RBFOX1: variants seen among roughly 807,000 people sequenced by gnomAD.
RBFOX1 encodes the protein RNA binding protein fox-1 homolog 1.
RBFOX1 carries 8 observed loss-of-function variants against 57.7 expected under a neutral mutation model. That is an observed-to-expected ratio of 0.14 (90% CI 0.08 to 0.25). The LOEUF (loss-of-function observed/expected upper bound fraction) is 0.25, where lower values mean the gene tolerates loss of function less well. Ranked by LOEUF, RBFOX1 falls within the 10% of genes least tolerant of loss-of-function variation. RBFOX1 has a pLI of 1.00. For missense variants in RBFOX1, 611 were observed against 548.5 expected (o/e 1.11, Z -1.14); for synonymous variants, 326 against 222.4 (o/e 1.47, Z -4.15).
chr16:6,082,855 A>C (rs1194971603), intron 1 of RBFOX1, among the ~76,000 whole-genome samples: 2 of 152,120 alleles, frequency 1.3e-5, no homozygotes, highest in Non-Finnish European at 2.9e-5. Context: ...CCAATAGCCC[A>C]GATCCCACGG....
At position 6,657,600 on chromosome 16, in the gene RBFOX1, C is replaced by G. The variant is rs538382265; in HGVS notation, c.-16+2950C>G. 3.9e-5 allele frequency among the ~76,000 whole-genome samples: 6 copies of G among 152,288 alleles called. 1 individual carries two copies. In the South Asian group the frequency reaches 1.0e-3, roughly 26 times the overall value. ...GGAAATTTCACCACTGGAGTGATGACAGTTGCTCACGCACGTGTGTGTGTG... is the reference window on the plus strand; with the variant it reads ...GGAAATTTCACCACTGGAGTGATGAGAGTTGCTCACGCACGTGTGTGTGTG... On this transcript the variant is annotated intron_variant, in intron 3 of 15. Transcript: ENST00000550418.
At chr16:6,544,484 T>A (rs1567625216) in intron 2 of RBFOX1, among the ~76,000 whole-genome samples, 1 of 152,186 alleles carries the variant, frequency 6.6e-6, no homozygotes, top group South Asian at 2.1e-4. Context: ...TTTTGTAGGA[T>A]CTCATAGGAA....
chr16:6,141,493 C>G (rs542355197), intron 1 of RBFOX1, among the ~76,000 whole-genome samples: 1 of 152,272 alleles, frequency 6.6e-6, no homozygotes, highest in South Asian at 2.1e-4. Context: ...TGTTCATCCT[C>G]TGCGTCCTGT....
chr16:5,340,393 G>T (rs1340244400), intron 1 of RBFOX1, among the ~76,000 whole-genome samples: 1 of 152,164 alleles, frequency 6.6e-6, no homozygotes, highest in Non-Finnish European at 1.5e-5. Context: ...ATTAGTTGAG[G>T]TCTTCTGGAA....
intron 3 of RBFOX1, among the ~76,000 whole-genome samples, chr16:6,842,865 C>A (rs781761659): frequency 3.3e-5 from 5 of 151,992 alleles, no homozygotes; most frequent in Non-Finnish European, 7.4e-5. Flanking sequence ...TGTTCCCCTC[C>A]CTGTGTCCAT....
intron 3 of RBFOX1, among the ~76,000 whole-genome samples, chr16:5,813,531 C>T (rs538518619): frequency 3.3e-5 from 5 of 152,254 alleles, no homozygotes; most frequent in Non-Finnish European, 7.4e-5. Flanking sequence ...TTGTACATAC[C>T]ATGCTCACTG....
intron 5 of RBFOX1, among the ~76,000 whole-genome samples, chr16:7,535,877 A>C (rs527657728): frequency 5.1e-4 from 77 of 152,370 alleles, no homozygotes; most frequent in Admixed American, 1.3e-3. Flanking sequence ...CAAAGTAGAT[A>C]CTCAATAATT....
chr16:7,530,974 C>T, intron 5 of RBFOX1, among the ~76,000 whole-genome samples: 1 of 152,148 alleles, frequency 6.6e-6, no homozygotes, highest in Non-Finnish European at 1.5e-5. Context: ...CATGCCATCT[C>T]AGTGTCCTTA....
chr16:5,989,880 A>ACACACACACACACACACC (rs33912010), intron 4 of RBFOX1, among the ~76,000 whole-genome samples: 7,402 of 127,104 alleles, frequency 0.058, 419 homozygotes, highest in Non-Finnish European at 0.073. Context: ...ACACACACAC[A>ACACACACACACACACACC]CCACCCCTGT....
intron 1 of RBFOX1, among the ~76,000 whole-genome samples, chr16:6,107,997 TCACAC>T (rs1286993864): frequency 8.5e-5 from 13 of 152,156 alleles, no homozygotes; most frequent in South Asian, 2.1e-4. Context: ...ACCTGTGATG[TCACAC>T]ACAGCTACCT....
At chr16:7,692,515 C>T (rs1446837670) in intron 14 of RBFOX1, among the ~76,000 whole-genome samples, 1 of 152,058 alleles carries the variant, frequency 6.6e-6, no homozygotes, top group Non-Finnish European at 1.5e-5. Context: ...CGATGAAAAC[C>T]CAGAGCCCCT....
intron 2 of RBFOX1, among the ~76,000 whole-genome samples, chr16:5,501,262 G>A (rs1437708595): frequency 7.7e-6 from 1 of 129,926 alleles, no homozygotes; most frequent in African/African-American, 3.1e-5. Flanking sequence ...AGGTTGCAGT[G>A]AGTTGAGATT....
At chr16:5,735,834 C>G (rs557041356) in intron 3 of RBFOX1, among the ~76,000 whole-genome samples, 5 of 152,192 alleles carry the variant, frequency 3.3e-5, no homozygotes, top group African/African-American at 9.6e-5. Context: ...CAAGATGGCA[C>G]CACTGCACTC....
At chr16:6,251,270 A>G (rs1478817494) in intron 1 of RBFOX1, among the ~76,000 whole-genome samples, 1 of 152,148 alleles carries the variant, frequency 6.6e-6, no homozygotes, top group Non-Finnish European at 1.5e-5. Context: ...TGAGAGTCAC[A>G]TGGACTAGGA....
At chr16:5,503,108 T>C (rs552698387) in intron 2 of RBFOX1, among the ~76,000 whole-genome samples, 1 of 152,344 alleles carries the variant, frequency 6.6e-6, no homozygotes, top group South Asian at 2.1e-4. Context: ...GTGCAGGCTC[T>C]GGAACCACAC....
At chr16:6,665,776 A>G (rs1228914948) in intron 3 of RBFOX1, among the ~76,000 whole-genome samples, 1 of 152,122 alleles carries the variant, frequency 6.6e-6, no homozygotes, top group African/African-American at 2.4e-5. Flanking sequence ...TTAGTACTTT[A>G]TGCATATTCT....
chr16:5,543,115 C>G (rs777967912), intron 2 of RBFOX1, among the ~76,000 whole-genome samples: 2 of 152,070 alleles, frequency 1.3e-5, no homozygotes, highest in Non-Finnish European at 2.9e-5. Context: ...TTAAAGGGAT[C>G]GAACTGTTTT....
At chr16:7,339,464 G>A (rs768085746) in intron 4 of RBFOX1, among the ~76,000 whole-genome samples, 3 of 152,076 alleles carry the variant, frequency 2.0e-5, no homozygotes, top group Admixed American at 6.6e-5. Flanking sequence ...ATTTTGTGAC[G>A]GAATCTTGCT....
intron 3 of RBFOX1, among the ~76,000 whole-genome samples, chr16:6,676,180 A>AC (rs2057650616): frequency 7.5e-6 from 1 of 133,276 alleles, no homozygotes; most frequent in Admixed American, 7.7e-5. Flanking sequence ...ACACACACAC[A>AC]CTTCCCTAGG....
Sources: gnomAD v4.1 joint callset for allele counts (sites outside exome capture counted in the v4.1 genomes callset) on GRCh38, gnomAD v4.1.1 for gene constraint, MANE v1.5 for transcripts, NCBI Gene and HGNC (gene_info 2026-07-23, HGNC 2026-07-21) for gene names.